TOX3: variants seen among roughly 807,000 people sequenced by gnomAD.
TOX3 encodes CAG trinucleotide repeat-containing gene F9 protein.
TOX3 carries 22 observed loss-of-function variants against 64.3 expected under a neutral mutation model. The observed-to-expected ratio is 0.34, with a 90% CI of 0.24 to 0.49. The LOEUF is 0.49. TOX3 is among the 20% of genes least tolerant of loss of function. TOX3 has a pLI of 0.99. For missense variants in TOX3, 661 were observed against 714.4 expected (o/e 0.93, Z 0.85); for synonymous variants, 291 against 273.6 (o/e 1.06, Z -0.63).
intron 1 of TOX3, among the ~76,000 whole-genome samples, chr16:52,486,031 G>T (rs912606760): frequency 4.6e-5 from 7 of 152,210 alleles, no homozygotes; most frequent in African/African-American, 9.6e-5. Context: ...TGTTGGGGTT[G>T]AGGTGCCAAG....
rs751196041 is a variant in TOX3 at position 52,546,767 on chromosome 16, C to T, written c.-44G>A. Reference sequence around the variant, plus strand: ...GCCGGGGGCCGGGACTGGGGTTCGCCGGGGCCGGGACCCGCCTCCTCGCCG... The same window carrying T: ...GCCGGGGGCCGGGACTGGGGTTCGCTGGGGCCGGGACCCGCCTCCTCGCCG... On this transcript the variant is annotated 5_prime_UTR_variant, in exon 1 of 7. Transcript: ENST00000219746. 16 of 1,460,994 alleles carry T rather than the reference C, an allele frequency of 1.1e-5. No homozygotes were observed. The South Asian group carries it at 1.9e-4, about 17-fold the overall frequency. 90.5% of individuals were successfully genotyped at this position (1,460,994 alleles called of 1,614,324 possible).
chr16:52,538,090 C>A (rs545825561), intron 1 of TOX3, among the ~76,000 whole-genome samples: 1 of 152,208 alleles, frequency 6.6e-6, no homozygotes, highest in South Asian at 2.1e-4. Flanking sequence ...ATTTTAACCA[C>A]TTTTCCATTA....
chr16:52,477,573 A>T (rs1302596918), intron 1 of TOX3, among the ~76,000 whole-genome samples: 1 of 152,194 alleles, frequency 6.6e-6, no homozygotes, highest in African/African-American at 2.4e-5. Flanking sequence ...CTAACTTTGA[A>T]TTCCAATCCT....
intron 4 of TOX3, 89 bp downstream of exon 4, chr16:52,450,188 A>G: frequency 6.7e-7 from 1 of 1,495,754 alleles, no homozygotes; most frequent in Non-Finnish European, 9.2e-7. Flanking sequence ...CATGAAGACA[A>G]ACAAGATAAC....
chr16:52,473,847 T>C (rs1234935555), intron 1 of TOX3, among the ~76,000 whole-genome samples: 1 of 152,152 alleles, frequency 6.6e-6, no homozygotes, highest in African/African-American at 2.4e-5. Context: ...AGGTATAATA[T>C]AGGAATCTAT....
At chr16:52,460,188 C>G (rs1567317421) in intron 3 of TOX3, among the ~76,000 whole-genome samples, 1 of 152,088 alleles carries the variant, frequency 6.6e-6, no homozygotes, top group East Asian at 1.9e-4. Context: ...ATTGCTAGAG[C>G]ACCACTATAG....
chr16:52,535,580 A>T (rs1219106938), intron 1 of TOX3, among the ~76,000 whole-genome samples: 2 of 152,200 alleles, frequency 1.3e-5, no homozygotes, highest in Non-Finnish European at 2.9e-5. Context: ...TTGGTTAGGG[A>T]AACAAGAAAT....
intron 1 of TOX3, among the ~76,000 whole-genome samples, chr16:52,536,811 G>A (rs1415614852): frequency 3.3e-5 from 5 of 150,686 alleles, no homozygotes; most frequent in Non-Finnish European, 7.4e-5. Context: ...GTCTTGCTGT[G>A]TTTCCCAGGC....
At chr16:52,520,942 C>G (rs1962593680) in intron 1 of TOX3, among the ~76,000 whole-genome samples, 1 of 152,084 alleles carries the variant, frequency 6.6e-6, no homozygotes, top group Admixed American at 6.5e-5. Context: ...CAAAAGGACA[C>G]TTTATTTCAT....
chr16:52,546,221 G>A lies in TOX3; in HGVS notation c.87+416C>T, dbSNP rs553995814. Among the ~76,000 whole-genome samples, 23 of 152,222 alleles carry A rather than the reference G, an allele frequency of 1.5e-4. No individual in the cohort carries two copies. In the East Asian group the frequency reaches 4.5e-3, roughly 30 times the overall value. Reference sequence around the variant, plus strand: ...GTGGGGGAGGTAAGAAGGACTGGGGGTGGGGGAGGGCAAGATCATCGGACC... The same window carrying A: ...GTGGGGGAGGTAAGAAGGACTGGGGATGGGGGAGGGCAAGATCATCGGACC... On this transcript the variant is annotated intron_variant, in intron 1 of 6. Coordinates refer to ENST00000219746, the MANE Select transcript of TOX3 (RefSeq NM_001080430.4).
intron 1 of TOX3, among the ~76,000 whole-genome samples, chr16:52,519,099 G>T (rs963845749): frequency 6.6e-6 from 1 of 152,184 alleles, no homozygotes; most frequent in Non-Finnish European, 1.5e-5. Flanking sequence ...AAGGGAAATG[G>T]TATCATGCGA....
chr16:52,519,446 A>G (rs934578602), intron 1 of TOX3: 46 of 1,551,416 alleles, frequency 3.0e-5, no homozygotes, highest in Non-Finnish European at 1.1e-5. Flanking sequence ...TCTCTCCTCA[A>G]TGCGCCTGGC....
At chr16:52,510,688 G>A (rs561815863) in intron 1 of TOX3, among the ~76,000 whole-genome samples, 1 of 149,548 alleles carries the variant, frequency 6.7e-6, no homozygotes, top group African/African-American at 2.5e-5. Flanking sequence ...CCTGGGAGGT[G>A]GAGGTTGCAG....
intron 6 of TOX3, among the ~76,000 whole-genome samples, chr16:52,440,748 C>CTTTTTTTTTT (rs1425662404): frequency 1.1e-5 from 1 of 89,456 alleles, no homozygotes. Flanking sequence ...ATTTTTCTTT[C>CTTTTTTTTTT]TTTCTTTTTT....
At chr16:52,461,148 A>C (rs1488293050) in intron 3 of TOX3, among the ~76,000 whole-genome samples, 2 of 152,164 alleles carry the variant, frequency 1.3e-5, no homozygotes, top group African/African-American at 4.8e-5. Context: ...TAGAATTGCA[A>C]TCTTTTGTGG....
intron 1 of TOX3, among the ~76,000 whole-genome samples, chr16:52,526,831 G>C (rs1962737952): frequency 6.6e-6 from 1 of 152,186 alleles, no homozygotes. Context: ...AATTGCTACA[G>C]ACTTTCTTAA....
At position 52,547,068 on chromosome 16, in the gene TOX3, A is replaced by ACGG. The variant is rs975458443; in HGVS notation, c.-348_-346dup. The ACGG allele has an allele frequency of 1.8e-6, 1 of 557,610 alleles. No homozygotes were observed. The highest frequency in any genetic ancestry group is 2.3e-6 in the Non-Finnish European group (1 of 441,458). The allele number at this position is 557,610 out of a possible 1,614,324, so 34.5% of individuals were successfully genotyped here. ...TTCAGGTGCGCTGGGCGAGGCTGGG[A>ACGG]CGGCGGCGGCGGCGGCGGCTGGCCC... is the stretch of plus-strand genomic sequence containing the variant. On this transcript the variant is annotated 5_prime_UTR_variant, in exon 1 of 7. Transcript: ENST00000219746.
At chr16:52,440,236 C>T (rs150850767) in intron 6 of TOX3, among the ~76,000 whole-genome samples, 33 of 152,252 alleles carry the variant, frequency 2.2e-4, no homozygotes, top group East Asian at 1.6e-3. Flanking sequence ...CAAGACGAGG[C>T]TTCAAGCCTG....
At chr16:52,507,087 G>C (rs1209459861) in intron 1 of TOX3, among the ~76,000 whole-genome samples, 1 of 152,124 alleles carries the variant, frequency 6.6e-6, no homozygotes, top group Non-Finnish European at 1.5e-5. Flanking sequence ...CTCAACTGGG[G>C]TACATGTACA....
Sources: allele counts gnomAD v4.1 joint callset (sites outside exome capture counted in the v4.1 genomes callset), GRCh38; gene constraint gnomAD v4.1.1; transcripts MANE v1.5; gene names NCBI Gene and HGNC (gene_info 2026-07-23, HGNC 2026-07-21).